Variants in DNAI4 observed in about 807,000 individuals in gnomAD.
The protein encoded by DNAI4 is dynein axonemal intermediate chain 4, also known as WD repeat domain 78.
In DNAI4, 85 loss-of-function variants were observed where a neutral mutation model predicts 105.8. The ratio of observed to expected loss-of-function variants is 0.80; its 90% CI spans 0.67 to 0.96. DNAI4 has a LOEUF of 0.96. Among genes scored for constraint, DNAI4 ranks in the 40% least tolerant of loss-of-function variants. DNAI4 has a pLI of 0.00. For missense variants in DNAI4, 1,014 were observed against 1,005.6 expected (o/e 1.01, Z -0.11); for synonymous variants, 352 against 331.5 (o/e 1.06, Z -0.67).
chr1:66,881,362 G>T (rs1407265646), intron 4 of DNAI4, among the ~76,000 whole-genome samples: 1 of 152,224 alleles, frequency 6.6e-6, no homozygotes, highest in East Asian at 1.9e-4. Flanking sequence ...ACCCATGAAA[G>T]CAGCCAGGAG....
At chr1:66,850,138 A>G (rs1305844398) in intron 7 of DNAI4, among the ~76,000 whole-genome samples, 1 of 83,472 alleles carries the variant, frequency 1.2e-5, no homozygotes, top group Non-Finnish European at 2.6e-5. Context: ...TAAAAACAGA[A>G]GACCAAAAAA....
intron 16 of DNAI4, among the ~76,000 whole-genome samples, chr1:66,814,579 A>G (rs574717835): frequency 1.6e-3 from 251 of 152,294 alleles, no homozygotes; most frequent in African/African-American, 5.9e-3. Flanking sequence ...TGTGTTAGCT[A>G]GGATGGTCTC....
At chr1:66,819,974 A>G (rs988488464) in intron 16 of DNAI4, among the ~76,000 whole-genome samples, 2 of 152,200 alleles carry the variant, frequency 1.3e-5, no homozygotes, top group Non-Finnish European at 2.9e-5. Flanking sequence ...AAAAGAAGAA[A>G]AAAAGATTAC....
rs544540358 is a variant in DNAI4, at chr1:66,919,927, C to T, written c.170+4735G>A. 3.3e-5 allele frequency among the ~76,000 whole-genome samples: 5 copies of T among 152,324 alleles called. No homozygotes were observed. The East Asian group carries it at 9.6e-4, about 29-fold the overall frequency. ...TAGGATTGTCCAACCCTTCCCCTCC[C>T]CCTACATCTTCCCACTGATAGGAAT... On this transcript the variant is annotated intron_variant, in intron 1 of 16. Coordinates refer to ENST00000371026, the MANE Select transcript of DNAI4 (RefSeq NM_024763.5).
chr1:66,827,160 T>C (rs1167706922), intron 14 of DNAI4, 114 bp from the exon 15 acceptor site: 2 of 854,760 alleles, frequency 2.3e-6, no homozygotes, highest in Admixed American at 6.0e-5. Context: ...TTCATTATTG[T>C]GTGGGCATTA....
intron 4 of DNAI4, among the ~76,000 whole-genome samples, chr1:66,886,039 T>A (rs1435757155): frequency 1.3e-5 from 2 of 152,220 alleles, no homozygotes; most frequent in Non-Finnish European, 2.9e-5. Context: ...TCTATTTTCA[T>A]TATTTTTTCT....
chr1:66,864,044 T>A (rs1646682074), intron 6 of DNAI4, among the ~76,000 whole-genome samples: 1 of 152,216 alleles, frequency 6.6e-6, no homozygotes, highest in South Asian at 2.1e-4. Context: ...ATACGCCTAT[T>A]ATAAATAAGC....
chr1:66,814,541 T>A (rs1645475967), intron 16 of DNAI4, among the ~76,000 whole-genome samples: 1 of 152,186 alleles, frequency 6.6e-6, no homozygotes. Flanking sequence ...GCTAATTTTT[T>A]GTATTTTTAG....
chr1:66,847,413 C>T (rs1646299383), intron 8 of DNAI4, 71 bp downstream of exon 8: 2 of 1,434,884 alleles, frequency 1.4e-6, no homozygotes, highest in Non-Finnish European at 1.9e-6. Context: ...CTTCCTCAGC[C>T]TCCCAAAGTA....
intron 13 of DNAI4, among the ~76,000 whole-genome samples, chr1:66,832,681 T>A (rs552061287): frequency 1.3e-5 from 2 of 152,260 alleles, no homozygotes; most frequent in East Asian, 3.9e-4. Context: ...TTGGATTGTT[T>A]GTAACACAAA....
intron 1 of DNAI4, among the ~76,000 whole-genome samples, chr1:66,910,175 T>G (rs1447881559): frequency 6.6e-6 from 1 of 152,106 alleles, no homozygotes; most frequent in East Asian, 1.9e-4. Context: ...ATTATGCCAC[T>G]GTACTCCAGC....
At chr1:66,856,346 G>A (rs1238912821) in intron 7 of DNAI4, among the ~76,000 whole-genome samples, 7 of 151,586 alleles carry the variant, frequency 4.6e-5, no homozygotes, top group Non-Finnish European at 8.8e-5. Context: ...GGTGGCGGGC[G>A]CCTGTAGTCC....
At position 66,862,313 on chromosome 1, in the gene DNAI4, A is replaced by G; in HGVS notation, c.941-11T>C. 1 of 1,600,926 alleles carries G rather than the reference A, an allele frequency of 6.2e-7. No homozygotes were observed. Among genetic ancestry groups the G allele is most frequent in the Middle Eastern group, 1.7e-4 (1 of 6,018 alleles). ...CAGTGGACATTATGCCTAGATAAAG[A>G]CACAGAAAGGTAAAAATTGTTTTAA... On this transcript the variant is annotated splice_polypyrimidine_tract_variant and intron_variant, in intron 6 of 16. Coordinates refer to ENST00000371026, the MANE Select transcript of DNAI4 (RefSeq NM_024763.5).
intron 1 of DNAI4, among the ~76,000 whole-genome samples, chr1:66,911,512 G>A (rs1649655239): frequency 6.6e-6 from 1 of 152,160 alleles, no homozygotes; most frequent in Non-Finnish European, 1.5e-5. Flanking sequence ...TCATGCTTTT[G>A]TCTTCCAGAT....
intron 2 of DNAI4, chr1:66,904,942 A>G (rs532156678): frequency 5.1e-6 from 2 of 389,306 alleles, no homozygotes; most frequent in South Asian, 2.7e-4. Flanking sequence ...TATATAATTA[A>G]TACCATAAGC....
intron 2 of DNAI4, among the ~76,000 whole-genome samples, chr1:66,896,011 A>G (rs1344173185): frequency 1.3e-5 from 2 of 152,182 alleles, no homozygotes; most frequent in African/African-American, 4.8e-5. Context: ...ATTGGCATAT[A>G]ATATTTGTTT....
intron 15 of DNAI4, 52 bp downstream of exon 15, chr1:66,826,768 C>T (rs1645762591): frequency 1.3e-6 from 2 of 1,534,824 alleles, no homozygotes; most frequent in Non-Finnish European, 1.8e-6. Flanking sequence ...TCAGGTATCA[C>T]TTAGTTTGAA....
At chr1:66,874,692 C>A (rs767000966) in intron 5 of DNAI4, 89 bp downstream of exon 5, 280 of 1,413,386 alleles carry the variant, frequency 2.0e-4, no homozygotes, top group Non-Finnish European at 2.5e-4. Context: ...CCCCAGAACC[C>A]CCAAGGACCC....
intron 1 of DNAI4, among the ~76,000 whole-genome samples, chr1:66,911,128 T>A: frequency 6.6e-6 from 1 of 152,232 alleles, no homozygotes; most frequent in East Asian, 1.9e-4. Context: ...AATGACCTGC[T>A]ATAAAATCAG....
Sources: allele counts gnomAD v4.1 joint callset (sites outside exome capture counted in the v4.1 genomes callset), GRCh38; gene constraint gnomAD v4.1.1; transcripts MANE v1.5; gene names NCBI Gene and HGNC (gene_info 2026-07-23, HGNC 2026-07-21).